The following SH3GL2 variants were observed in gnomAD, a reference collection of about 807,000 sequenced individuals.
SH3GL2 encodes the protein endophilin-A1.
In SH3GL2, 24 loss-of-function variants were observed where a neutral mutation model predicts 46.0. The observed-to-expected ratio is 0.52, with a 90% confidence interval of 0.38 to 0.73. The LOEUF is 0.73. SH3GL2 is among the 30% of genes least tolerant of loss of function. SH3GL2 has a pLI of 0.00. For synonymous variants in SH3GL2, 196 were observed against 147.1 expected (o/e 1.33, Z -2.40); for missense variants, 413 against 424.2 (o/e 0.97, Z 0.23).
chr9:17,793,266 A>G, intron 7 of SH3GL2, 101 bp from the exon 8 acceptor site: 2 of 1,019,310 alleles, frequency 2.0e-6, no homozygotes, highest in South Asian at 3.1e-5. Flanking sequence ...TCATGGTAGC[A>G]TGGTGGGTGA....
chr9:17,739,176 T>A (rs1287430377), intron 1 of SH3GL2, among the ~76,000 whole-genome samples: 1 of 152,094 alleles, frequency 6.6e-6, no homozygotes, highest in Admixed American at 6.6e-5. Flanking sequence ...AGCCAGAAAT[T>A]TTCTCTTAAC....
intron 1 of SH3GL2, among the ~76,000 whole-genome samples, chr9:17,710,604 T>C (rs1022287870): frequency 1.3e-5 from 2 of 152,014 alleles, no homozygotes; most frequent in Non-Finnish European, 2.9e-5. Flanking sequence ...TGTACATCCA[T>C]GTTCACAGCA....
chr9:17,678,659 T>G (rs1167926081), intron 1 of SH3GL2, among the ~76,000 whole-genome samples: 11 of 152,230 alleles, frequency 7.2e-5, no homozygotes, highest in Non-Finnish European at 1.0e-4. Flanking sequence ...GTCAATTTTG[T>G]CTTTTGTTGC....
intron 1 of SH3GL2, among the ~76,000 whole-genome samples, chr9:17,620,736 G>C (rs1387899434): frequency 1.3e-5 from 2 of 152,152 alleles, no homozygotes; most frequent in Non-Finnish European, 2.9e-5. Context: ...GAGGGAGAGG[G>C]AGAAGTCAAG....
chr9:17,729,217 G>C, intron 1 of SH3GL2, among the ~76,000 whole-genome samples: 1 of 152,214 alleles, frequency 6.6e-6, no homozygotes, highest in South Asian at 2.1e-4. Flanking sequence ...CTAATGACCG[G>C]TGATGATGAG....
At chr9:17,706,931 G>C (rs1355318636) in intron 1 of SH3GL2, among the ~76,000 whole-genome samples, 1 of 151,976 alleles carries the variant, frequency 6.6e-6, no homozygotes, top group Non-Finnish European at 1.5e-5. Flanking sequence ...CAAGCAGTGT[G>C]CTTTGGCCAG....
chr9:17,585,211 G>A (rs1402983222), intron 1 of SH3GL2, among the ~76,000 whole-genome samples: 2 of 152,104 alleles, frequency 1.3e-5, no homozygotes, highest in Non-Finnish European at 2.9e-5. Flanking sequence ...GCGAGAGAAG[G>A]GCAGGACACA....
At chr9:17,743,600 A>ACACACACACACACACACACACC (rs1554645782) in intron 1 of SH3GL2, among the ~76,000 whole-genome samples, 1 of 146,162 alleles carries the variant, frequency 6.8e-6, no homozygotes, top group African/African-American at 2.5e-5. Context: ...ACACACACAC[A>ACACACACACACACACACACACC]CCCCAAATAG....
intron 1 of SH3GL2, among the ~76,000 whole-genome samples, chr9:17,588,934 G>T (rs1818428893): frequency 6.6e-6 from 1 of 152,138 alleles, no homozygotes; most frequent in African/African-American, 2.4e-5. Flanking sequence ...ATGGAAGAAG[G>T]CAAGTGTAGC....
chr9:17,789,673 A>G lies in SH3GL2; in HGVS notation c.624+123A>G. On this transcript the variant is annotated intron_variant, in intron 6 of 8. Coordinates refer to ENST00000380607, the MANE Select transcript of SH3GL2 (RefSeq NM_003026.5). ...CACTATGTGATAAGAACTTCAGTAG[A>G]TAGTTATTTATTTTAAATAATTGTC... The G allele has an allele frequency of 2.1e-6, 3 of 1,444,316 alleles. No individual in the cohort carries two copies. In the South Asian group the frequency reaches 4.2e-5, roughly 20 times the overall value. The allele number at this position is 1,444,316 out of a possible 1,614,324, so 89.5% of individuals were successfully genotyped here.
At chr9:17,637,072 A>G (rs73418690) in intron 1 of SH3GL2, among the ~76,000 whole-genome samples, 3,750 of 152,284 alleles carry the variant, frequency 0.025, 146 homozygotes, top group African/African-American at 0.086. Flanking sequence ...TATGACTCAG[A>G]TGGTCTCTTC....
intron 1 of SH3GL2, among the ~76,000 whole-genome samples, chr9:17,599,651 G>A (rs1010750330): frequency 3.9e-5 from 6 of 152,168 alleles, no homozygotes; most frequent in African/African-American, 1.4e-4. Flanking sequence ...ACATTCACAT[G>A]GAAACCTTTC....
rs901849106 is a variant in SH3GL2, at chr9:17,633,278, C to A, written c.45+53991C>A. Among the ~76,000 whole-genome samples the A allele has an allele frequency of 5.9e-5, 9 of 152,244 alleles. No homozygotes were observed. In the East Asian group the frequency reaches 1.7e-3, roughly 29 times the overall value. On this transcript the variant is annotated intron_variant, in intron 1 of 8. Transcript: ENST00000380607. The stretch of plus-strand genomic sequence containing the variant: ...ACCTGCCCTTCTTGGCAGGAGTGGA[C>A]TAGAAATCAGTTGGTGTTACTGCAA...
At chr9:17,729,443 C>T (rs565682824) in intron 1 of SH3GL2, among the ~76,000 whole-genome samples, 321 of 152,194 alleles carry the variant, frequency 2.1e-3, no homozygotes, top group Middle Eastern at 6.8e-3. Flanking sequence ...TTCTTTTGCT[C>T]TACAGAAGCT....
chr9:17,585,812 G>A (rs1274894042), intron 1 of SH3GL2, among the ~76,000 whole-genome samples: 1 of 152,184 alleles, frequency 6.6e-6, no homozygotes, highest in Non-Finnish European at 1.5e-5. Context: ...ACCTGGGTGG[G>A]GTGTTCACAG....
Position 17,679,306 on chromosome 9 carries a change from G to A in SH3GL2, c.46-67760G>A, listed in dbSNP as rs200810562. Among the ~76,000 whole-genome samples, 8 of 151,864 alleles carry A rather than the reference G, an allele frequency of 5.3e-5. No individual in the cohort carries two copies. In the South Asian group the frequency reaches 8.3e-4, roughly 16 times the overall value. On this transcript the variant is annotated intron_variant, in intron 1 of 8. Transcript: ENST00000380607. Reference sequence around the variant, plus strand: ...ATTTGTTTGTTTCCTCTTTTATTTCGTTGAGCACTGGTTTGTAGTTCTCCT... The same window carrying A: ...ATTTGTTTGTTTCCTCTTTTATTTCATTGAGCACTGGTTTGTAGTTCTCCT...
chr9:17,746,512 G>C lies in SH3GL2; in HGVS notation c.46-554G>C, dbSNP rs941337052. On this transcript the variant is annotated intron_variant, in intron 1 of 8. Coordinates refer to ENST00000380607, the MANE Select transcript of SH3GL2 (RefSeq NM_003026.5). ...CTTCAACAGCTTTCTATATGTTTTGGCTTATGTACTTAAGGATGTAGACAG... is the reference window on the plus strand; with the variant it reads ...CTTCAACAGCTTTCTATATGTTTTGCCTTATGTACTTAAGGATGTAGACAG... Among the ~76,000 whole-genome samples the C allele has an allele frequency of 3.3e-5, 5 of 152,288 alleles. 1 individual carries two copies. The highest frequency in any genetic ancestry group is 6.5e-5 in the Admixed American group (1 of 15,300).
intron 1 of SH3GL2, among the ~76,000 whole-genome samples, chr9:17,645,182 T>TTTTTTTTTTTTTTTTTTTA (rs1819781790): frequency 7.7e-4 from 56 of 72,754 alleles, no homozygotes; most frequent in Non-Finnish European, 1.3e-3. Context: ...TTTTTTTTTT[T>TTTTTTTTTTTTTTTTTTTA]GCTTTCCATT....
intron 3 of SH3GL2, among the ~76,000 whole-genome samples, chr9:17,779,983 C>T (rs1823756045): frequency 6.6e-6 from 1 of 152,194 alleles, no homozygotes; most frequent in African/African-American, 2.4e-5. Context: ...GGTTCTCAAC[C>T]TTGGCTGCAC....
Sources: allele counts gnomAD v4.1 joint callset (sites outside exome capture counted in the v4.1 genomes callset), GRCh38; gene constraint gnomAD v4.1.1; transcripts MANE v1.5; gene names NCBI Gene and HGNC (gene_info 2026-07-23, HGNC 2026-07-21).